Variants in WDR27 observed in about 807,000 individuals in gnomAD.
WDR27 encodes WD repeat domain 27.
Under a neutral mutation model 114.4 loss-of-function variants are expected in WDR27, and 100 were observed. The ratio of observed to expected loss-of-function variants is 0.87; its 90% CI spans 0.74 to 1.03. The LOEUF is 1.03. Ranked by LOEUF, WDR27 falls within the 50% of genes least tolerant of loss-of-function variation. WDR27 has a pLI of 0.00. For synonymous variants in WDR27, 449 were observed against 423.1 expected (o/e 1.06, Z -0.75); for missense variants, 1,129 against 1,092.9 (o/e 1.03, Z -0.47).
chr6:169,599,862 AT>A (rs1311408137), intron 23 of WDR27, among the ~76,000 whole-genome samples: 1 of 151,702 alleles, frequency 6.6e-6, no homozygotes, highest in Non-Finnish European at 1.5e-5. Context: ...TAGGGTGTCA[AT>A]TTTTAGATCT....
At chr6:169,466,166 C>A (rs1785556974) in intron 25 of WDR27, among the ~76,000 whole-genome samples, 1 of 152,162 alleles carries the variant, frequency 6.6e-6, no homozygotes, top group African/African-American at 2.4e-5. Context: ...AGAGACGGCT[C>A]ACCCAATATA....
At chr6:169,697,638 A>G (rs2128315725) in intron 1 of WDR27, among the ~76,000 whole-genome samples, 1 of 152,294 alleles carries the variant, frequency 6.6e-6, no homozygotes, top group African/African-American at 2.4e-5. Context: ...AAAATTAGTG[A>G]AAGTACTAAA....
At chr6:169,437,244 A>G in the WDR27 span, among the ~76,000 whole-genome samples, 4 of 151,870 alleles carry the variant, frequency 2.6e-5, no homozygotes, top group African/African-American at 9.7e-5. Flanking sequence ...GTTGGCTAGG[A>G]CTGGAAGGAA....
chr6:169,700,448 C>T (rs1301150056), intron 1 of WDR27, among the ~76,000 whole-genome samples: 1 of 152,222 alleles, frequency 6.6e-6, no homozygotes, highest in Non-Finnish European at 1.5e-5. Context: ...CAGAACTAAA[C>T]TACACTCCCT....
At chr6:169,648,455 G>A (rs561574932) in intron 15 of WDR27, among the ~76,000 whole-genome samples, 23 of 152,340 alleles carry the variant, frequency 1.5e-4, no homozygotes, top group African/African-American at 5.3e-4. Flanking sequence ...AGAGCTGAAC[G>A]GAACTCTGAT....
At chr6:169,518,813 C>A (rs942949060) in intron 25 of WDR27, among the ~76,000 whole-genome samples, 8 of 152,222 alleles carry the variant, frequency 5.3e-5, no homozygotes, top group Admixed American at 1.3e-4. Context: ...ATTTTCCAAA[C>A]TTATATGCTC....
intron 25 of WDR27, among the ~76,000 whole-genome samples, chr6:169,461,495 T>A (rs980783851): frequency 3.9e-5 from 6 of 152,022 alleles, no homozygotes; most frequent in South Asian, 2.1e-4. Context: ...GGAAATTAAA[T>A]GACACACTCA....
intron 18 of WDR27, among the ~76,000 whole-genome samples, chr6:169,637,711 G>A (rs926606440): frequency 1.3e-4 from 20 of 151,502 alleles, no homozygotes; most frequent in Non-Finnish European, 2.5e-4. Context: ...ATCCATATGC[G>A]TGTGTGCCTA....
chr6:169,529,317 G>A (rs1021103746), intron 25 of WDR27, among the ~76,000 whole-genome samples: 1 of 141,046 alleles, frequency 7.1e-6, no homozygotes, highest in Admixed American at 7.0e-5. Context: ...CTCTGCGGGG[G>A]GGGGGGGCAG....
At chr6:169,701,378 G>C (rs1018338893) in intron 1 of WDR27, among the ~76,000 whole-genome samples, 173 bp downstream of exon 1, 1 of 152,186 alleles carries the variant, frequency 6.6e-6, no homozygotes, top group Non-Finnish European at 1.5e-5. Context: ...AAAGGCCAGT[G>C]GGGCATAATT....
chr6:169,669,853 CAT>C (rs1226367466), intron 4 of WDR27: 10 of 152,162 alleles, frequency 6.6e-5, no homozygotes, highest in South Asian at 4.1e-4. Context: ...GCCTATTACA[CAT>C]GAGGCCCATG....
chr6:169,683,260 T>C (rs1438305087), intron 2 of WDR27, among the ~76,000 whole-genome samples: 2 of 152,084 alleles, frequency 1.3e-5, no homozygotes, highest in African/African-American at 2.4e-5. Flanking sequence ...TATATTATAA[T>C]CAAACTTTCA....
chr6:169,533,177 G>A (rs1406593682), intron 25 of WDR27, among the ~76,000 whole-genome samples: 1 of 152,096 alleles, frequency 6.6e-6, no homozygotes, highest in East Asian at 1.9e-4. Context: ...TAGCAAGGGA[G>A]GTAGTGGAGC....
chr6:169,471,893 A>C (rs1786453673), intron 25 of WDR27, among the ~76,000 whole-genome samples: 1 of 152,224 alleles, frequency 6.6e-6, no homozygotes, highest in African/African-American at 2.4e-5. Context: ...CGCTGCTTCC[A>C]AGATGGTGCA....
intron 5 of WDR27, 154 bp from the exon 6 acceptor site, chr6:169,667,341 T>C (rs1256304953): frequency 3.2e-6 from 4 of 1,236,722 alleles, no homozygotes; most frequent in Non-Finnish European, 4.0e-6. Flanking sequence ...AATAAAAATG[T>C]AGTAACACCA....
intron 16 of WDR27, among the ~76,000 whole-genome samples, chr6:169,647,213 T>G (rs1209935975): frequency 6.6e-6 from 1 of 152,140 alleles, no homozygotes; most frequent in Non-Finnish European, 1.5e-5. Context: ...AGAAGCCTGG[T>G]GAAGGCATTA....
intron 22 of WDR27, among the ~76,000 whole-genome samples, chr6:169,608,726 A>C (rs2128179803): frequency 6.6e-6 from 1 of 152,224 alleles, no homozygotes; most frequent in Middle Eastern, 3.4e-3. Flanking sequence ...GGCCTTCCAA[A>C]TCTCATGTCC....
At chr6:169,438,236 CTTTTTT>C in the WDR27 span, among the ~76,000 whole-genome samples, 3 of 105,454 alleles carry the variant, frequency 2.8e-5, no homozygotes, top group Admixed American at 1.0e-4. Context: ...TTTACTTTTT[CTTTTTT>C]TTTTTTTTTT....
At position 169,694,116 on chromosome 6, in the gene WDR27, T is replaced by A. The variant is rs1785201230; in HGVS notation, c.-7-5104A>T. On this transcript the variant is annotated intron_variant, in intron 1 of 25. Transcript: ENST00000448612. ...CAAGGTCAGGAGTTTGAGACCATCC[T>A]GACCAACATGGTGAAACCCCCTCTC... Among the ~76,000 whole-genome samples the A allele has an allele frequency of 2.0e-5, 3 of 152,168 alleles. No homozygotes were observed. In the South Asian group the frequency reaches 6.2e-4, roughly 32 times the overall value.
Sources: allele counts gnomAD v4.1 joint callset (sites outside exome capture counted in the v4.1 genomes callset), GRCh38; gene constraint gnomAD v4.1.1; transcripts MANE v1.5; gene names NCBI Gene and HGNC (gene_info 2026-07-23, HGNC 2026-07-21).